The following NRG3 variants were observed in gnomAD, a reference collection of about 807,000 sequenced individuals.
NRG3 encodes neuregulin 3, also known as pro-neuregulin-3, membrane-bound isoform.
A neutral mutation model predicts 66.9 loss-of-function variants in NRG3; 31 were observed. The ratio of observed to expected loss-of-function variants is 0.46; its 90% CI spans 0.35 to 0.63. The LOEUF (loss-of-function observed/expected upper bound fraction) is 0.63, where lower values mean the gene tolerates loss of function less well. Among genes scored for constraint, NRG3 ranks in the 20% least tolerant of loss-of-function variants. The pLI is 0.00. For synonymous variants in NRG3, 393 were observed against 359.4 expected (o/e 1.09, Z -1.06); for missense variants, 910 against 878.9 (o/e 1.04, Z -0.45).
At chr10:82,853,455 T>A (rs1043192734) in intron 3 of NRG3, among the ~76,000 whole-genome samples, 7 of 152,230 alleles carry the variant, frequency 4.6e-5, no homozygotes, top group Non-Finnish European at 1.0e-4. Context: ...GTTTGTGTCA[T>A]CTATGATTTC....
intron 2 of NRG3, among the ~76,000 whole-genome samples, chr10:82,487,791 C>T (rs1842801869): frequency 6.6e-6 from 1 of 152,198 alleles, no homozygotes. Flanking sequence ...CTCTGGGTGT[C>T]TCATGAAAAT....
chr10:82,920,234 A>T (rs551282915), intron 4 of NRG3, among the ~76,000 whole-genome samples: 31 of 152,282 alleles, frequency 2.0e-4, no homozygotes, highest in Admixed American at 1.6e-3. Flanking sequence ...CTTATTTTCC[A>T]TGGAGATATG....
At chr10:82,978,611 A>G (rs1203119357) in intron 7 of NRG3, among the ~76,000 whole-genome samples, 1 of 152,206 alleles carries the variant, frequency 6.6e-6, no homozygotes, top group African/African-American at 2.4e-5. Flanking sequence ...GATGGCTTGG[A>G]TAATCAGGAT....
chr10:82,307,593 G>T (rs569047511), intron 1 of NRG3, among the ~76,000 whole-genome samples: 1 of 152,082 alleles, frequency 6.6e-6, no homozygotes, highest in African/African-American at 2.4e-5. Flanking sequence ...TCACAGTGTT[G>T]ACTATTTGAA....
chr10:82,745,375 A>G (rs2058599440), intron 3 of NRG3, among the ~76,000 whole-genome samples: 1 of 152,298 alleles, frequency 6.6e-6, no homozygotes, highest in East Asian at 1.9e-4. Context: ...CAAAGCAGAA[A>G]CTAATTATCA....
At chr10:81,971,538 T>A (rs900340726) in intron 1 of NRG3, among the ~76,000 whole-genome samples, 3 of 152,194 alleles carry the variant, frequency 2.0e-5, no homozygotes, top group Non-Finnish European at 4.4e-5. Flanking sequence ...ACCTTCTGAA[T>A]GAGACAGCAA....
chr10:82,804,406 TGCA>T (rs2135457525), intron 3 of NRG3, among the ~76,000 whole-genome samples: 1 of 152,264 alleles, frequency 6.6e-6, no homozygotes, highest in South Asian at 2.1e-4. Context: ...GAAAAGGCAT[TGCA>T]TTTGTGGGTG....
chr10:82,749,729 T>C (rs2058785312), intron 3 of NRG3, among the ~76,000 whole-genome samples: 1 of 150,922 alleles, frequency 6.6e-6, no homozygotes, highest in African/African-American at 2.4e-5. Flanking sequence ...AGTATTCCAA[T>C]GGCCTTTTTA....
At chr10:82,962,324 T>G (rs1850729236) in intron 6 of NRG3, among the ~76,000 whole-genome samples, 1 of 152,182 alleles carries the variant, frequency 6.6e-6, no homozygotes, top group Admixed American at 6.5e-5. Context: ...TCAGCCTGGT[T>G]TAGGGATCAG....
intron 2 of NRG3, among the ~76,000 whole-genome samples, chr10:82,644,910 G>C (rs1270136516): frequency 6.6e-6 from 1 of 152,114 alleles, no homozygotes; most frequent in East Asian, 1.9e-4. Context: ...GTTTAAGTGA[G>C]TGTATCCATA....
At chr10:82,907,307 T>C (rs1211892259) in intron 4 of NRG3, among the ~76,000 whole-genome samples, 1 of 152,224 alleles carries the variant, frequency 6.6e-6, no homozygotes, top group African/African-American at 2.4e-5. Context: ...TGGAAGATCT[T>C]CTTATGTAAA....
In NRG3 at chr10:82,772,432, C is replaced by T. The variant is rs550692743; in HGVS notation, c.1027+33782C>T. ...ATTAGATCTCTAGACTTGCTTAATCCTATATATCTGTCACTTTGTGTCCTT... is the reference window on the plus strand; with the variant it reads ...ATTAGATCTCTAGACTTGCTTAATCTTATATATCTGTCACTTTGTGTCCTT... On this transcript the variant is annotated intron_variant, in intron 3 of 8. Coordinates refer to ENST00000372141, the MANE Select transcript of NRG3 (RefSeq NM_001010848.4). Among the ~76,000 whole-genome samples, 3 of 152,080 alleles carry T rather than the reference C, an allele frequency of 2.0e-5. No individual in the cohort carries two copies. In the South Asian group the frequency reaches 6.2e-4, roughly 31 times the overall value.
At chr10:82,973,662 C>T (rs1260305625) in intron 6 of NRG3, 126 bp from the exon 7 acceptor site, 7 of 972,324 alleles carry the variant, frequency 7.2e-6, no homozygotes, top group Non-Finnish European at 4.8e-6. Context: ...GTCTTATCTC[C>T]TGCTCCTCTA....
At chr10:82,756,508 C>A (rs1340405765) in intron 3 of NRG3, among the ~76,000 whole-genome samples, 1 of 152,096 alleles carries the variant, frequency 6.6e-6, no homozygotes, top group Non-Finnish European at 1.5e-5. Context: ...TATACACTAA[C>A]TGCAATCTAC....
At chr10:82,212,835 G>A (rs975499170) in intron 1 of NRG3, among the ~76,000 whole-genome samples, 1 of 152,144 alleles carries the variant, frequency 6.6e-6, no homozygotes, top group Admixed American at 6.5e-5. Flanking sequence ...TGTGCATTAT[G>A]AAACATACGT....
intron 1 of NRG3, among the ~76,000 whole-genome samples, chr10:82,160,524 G>GA (rs1461156918): frequency 6.6e-6 from 1 of 151,452 alleles, no homozygotes; most frequent in East Asian, 1.9e-4. Flanking sequence ...TTTTGTTTTT[G>GA]AGACAGAGTC....
intron 4 of NRG3, among the ~76,000 whole-genome samples, chr10:82,918,573 G>C (rs1367781714): frequency 6.6e-6 from 1 of 152,142 alleles, no homozygotes; most frequent in Non-Finnish European, 1.5e-5. Flanking sequence ...AGTACATTCT[G>C]CCAACTTACG....
At chr10:82,315,459 G>A (rs928970474) in intron 1 of NRG3, among the ~76,000 whole-genome samples, 2 of 152,126 alleles carry the variant, frequency 1.3e-5, no homozygotes, top group African/African-American at 2.4e-5. Context: ...CAGATAAAAC[G>A]ACATGATCTT....
chr10:82,143,683 T>C (rs2132672770), intron 1 of NRG3, among the ~76,000 whole-genome samples: 1 of 152,316 alleles, frequency 6.6e-6, no homozygotes, highest in African/African-American at 2.4e-5. Context: ...GTTTATTGTC[T>C]GTATAAATGT....
Sources: gnomAD v4.1 joint callset for allele counts (sites outside exome capture counted in the v4.1 genomes callset) on GRCh38, gnomAD v4.1.1 for gene constraint, MANE v1.5 for transcripts, NCBI Gene and HGNC (gene_info 2026-07-23, HGNC 2026-07-21) for gene names.